Variants in SKAP2 observed in about 807,000 individuals in gnomAD.
SKAP2 encodes src kinase associated phosphoprotein 2.
A neutral mutation model predicts 54.9 loss-of-function variants in SKAP2; 28 were observed. The observed-to-expected ratio is 0.51, with a 90% CI of 0.38 to 0.70. SKAP2 has a LOEUF of 0.70. Ranked by LOEUF, SKAP2 falls within the 30% of genes least tolerant of loss-of-function variation. The pLI, the probability that SKAP2 is intolerant of heterozygous loss-of-function variation, is 0.00. For synonymous variants in SKAP2, 137 were observed against 134.3 expected, an observed-to-expected ratio of 1.02 and a Z score of -0.14; for missense variants, 356 against 424.1, an observed-to-expected ratio of 0.84 and a Z score of 1.41.
intron 4 of SKAP2, among the ~76,000 whole-genome samples, chr7:26,802,099 A>G (rs1783926745): frequency 6.6e-6 from 1 of 152,166 alleles, no homozygotes; most frequent in Non-Finnish European, 1.5e-5. Context: ...CTAACTTCAA[A>G]TCATACTACA....
intron 4 of SKAP2, among the ~76,000 whole-genome samples, chr7:26,757,273 C>T (rs1782816106): frequency 6.6e-6 from 1 of 152,082 alleles, no homozygotes; most frequent in Non-Finnish European, 1.5e-5. Context: ...ATGGTATTGC[C>T]TAGGTTTTCT....
intron 4 of SKAP2, among the ~76,000 whole-genome samples, chr7:26,802,245 A>ACTT (rs906328261): frequency 2.0e-5 from 3 of 149,928 alleles, no homozygotes. Context: ...AAGAACATAG[A>ACTT]CTGGAGAAAA....
chr7:26,763,724 A>C (rs1019059351), intron 4 of SKAP2, among the ~76,000 whole-genome samples: 9 of 152,276 alleles, frequency 5.9e-5, no homozygotes, highest in African/African-American at 1.7e-4. Context: ...TGATTTTGTC[A>C]TTGTATAAAC....
intron 9 of SKAP2, among the ~76,000 whole-genome samples, chr7:26,707,341 C>CA (rs1787185219): frequency 6.6e-6 from 1 of 150,658 alleles, no homozygotes; most frequent in South Asian, 2.1e-4. Context: ...GCCTGGGTGA[C>CA]AGAGTGAGAT....
chr7:26,656,690 G>T, the SKAP2 span, among the ~76,000 whole-genome samples: 3 of 152,282 alleles, frequency 2.0e-5, no homozygotes, highest in South Asian at 4.2e-4. Flanking sequence ...AACAACACAG[G>T]ACAGTAAAGA....
At chr7:26,806,608 C>G (rs1413641524) in intron 4 of SKAP2, among the ~76,000 whole-genome samples, 1 of 152,140 alleles carries the variant, frequency 6.6e-6, no homozygotes, top group Admixed American at 6.6e-5. Context: ...TTGCACCAAA[C>G]AGCCAAGTTG....
intron 11 of SKAP2, among the ~76,000 whole-genome samples, chr7:26,681,686 T>A (rs1354200068): frequency 2.0e-5 from 3 of 152,214 alleles, no homozygotes; most frequent in Admixed American, 1.3e-4. Flanking sequence ...AAGCTGCATA[T>A]CTTTAAAATC....
chr7:26,795,415 C>T (rs748082879), intron 4 of SKAP2, among the ~76,000 whole-genome samples: 32 of 152,200 alleles, frequency 2.1e-4, no homozygotes, highest in East Asian at 3.9e-4. Context: ...TTAATCTTAT[C>T]GTAGATCATA....
At chr7:26,829,462 G>C (rs1784559530) in intron 4 of SKAP2, among the ~76,000 whole-genome samples, 1 of 152,130 alleles carries the variant, frequency 6.6e-6, no homozygotes, top group East Asian at 1.9e-4. Context: ...AGGATTCGTT[G>C]AGCCCAGGAG....
At chr7:26,659,556 T>C in the SKAP2 span, among the ~76,000 whole-genome samples, 8 of 152,154 alleles carry the variant, frequency 5.3e-5, no homozygotes, top group Admixed American at 3.9e-4. Flanking sequence ...ATTGTAATAA[T>C]GAGATGTTTA....
chr7:26,844,201 CT>C, intron 3 of SKAP2, 64 bp from the exon 4 acceptor site: 3 of 947,242 alleles, frequency 3.2e-6, no homozygotes, highest in Non-Finnish European at 5.0e-6. Context: ...AGTAATGTTA[CT>C]TAATGTTAAT....
At chr7:26,774,212 C>G (rs1156252923) in intron 4 of SKAP2, among the ~76,000 whole-genome samples, 1 of 152,094 alleles carries the variant, frequency 6.6e-6, no homozygotes. Flanking sequence ...ACTCAGGAGG[C>G]TGAGGCAGGA....
Position 26,667,673 on chromosome 7 carries a change from A to G in SKAP2, c.*1993T>C, listed in dbSNP as rs10244663. ...CTGGATTAACTGTAAAAGGAGGCAG[A>G]AATCTAGATGCTTTCCATCATGGGC... On this transcript the variant is annotated 3_prime_UTR_variant, in exon 13 of 13. Coordinates refer to ENST00000345317, the MANE Select transcript of SKAP2 (RefSeq NM_003930.5). 0.062 allele frequency: 9,413 copies of G among 152,658 alleles called. 943 individuals are homozygous for G. The highest frequency in any genetic ancestry group is 0.21 in the African/African-American group (8,884 of 41,480). 9.5% of individuals were successfully genotyped at this position (152,658 alleles called of 1,614,324 possible).
chr7:26,825,494 G>C (rs1784470614), intron 4 of SKAP2, among the ~76,000 whole-genome samples: 1 of 149,408 alleles, frequency 6.7e-6, no homozygotes, highest in Non-Finnish European at 1.5e-5. Context: ...ACAAGTAAAA[G>C]TGATTGGTTT....
chr7:26,784,606 A>C (rs1783500546), intron 4 of SKAP2, among the ~76,000 whole-genome samples: 1 of 152,206 alleles, frequency 6.6e-6, no homozygotes, highest in Admixed American at 6.5e-5. Flanking sequence ...TACCTAAACA[A>C]AACTGGATAT....
Position 26,684,854 on chromosome 7 carries a change from A to T in SKAP2, c.875-6T>A, listed in dbSNP as rs369782834. ...ATAATCAGTGCTCTTATCCCCTAGGAAGAAGAAAGAGAAAGCATGAATTAG... is the reference window on the plus strand; with the variant it reads ...ATAATCAGTGCTCTTATCCCCTAGGTAGAAGAAAGAGAAAGCATGAATTAG... On this transcript the variant is annotated splice_polypyrimidine_tract_variant and splice_region_variant and intron_variant, in intron 10 of 12. Transcript: ENST00000345317. 2.0e-4 allele frequency: 311 copies of T among 1,551,058 alleles called. No homozygotes were observed. Among genetic ancestry groups the T allele is most frequent in the Non-Finnish European group, 2.7e-4 (304 of 1,125,476 alleles).
intron 10 of SKAP2, among the ~76,000 whole-genome samples, chr7:26,689,919 T>A (rs775044999): frequency 2.6e-5 from 4 of 152,194 alleles, no homozygotes; most frequent in Non-Finnish European, 5.9e-5. Context: ...ATTACATTCT[T>A]ATAGGTTTGA....
chr7:26,705,587 T>C (rs1232810621), intron 9 of SKAP2, among the ~76,000 whole-genome samples: 1 of 152,198 alleles, frequency 6.6e-6, no homozygotes, highest in Admixed American at 6.5e-5. Context: ...GGTTTTATTA[T>C]AAACAACTTT....
chr7:26,796,484 A>G (rs542531775), intron 4 of SKAP2, among the ~76,000 whole-genome samples: 4 of 152,360 alleles, frequency 2.6e-5, no homozygotes, highest in East Asian at 1.9e-4. Flanking sequence ...CATGGGACCC[A>G]TACAAAGTGC....
Sources: allele counts gnomAD v4.1 joint callset (sites outside exome capture counted in the v4.1 genomes callset), GRCh38; gene constraint gnomAD v4.1.1; transcripts MANE v1.5; gene names NCBI Gene and HGNC (gene_info 2026-07-23, HGNC 2026-07-21).